Variants in PCSK6 observed in about 807,000 individuals in gnomAD.
PCSK6 encodes the protein paired basic amino acid cleaving enzyme 4.
In PCSK6, 85 loss-of-function variants were observed where a neutral mutation model predicts 123.3. The ratio of observed to expected loss-of-function variants is 0.69; its 90% CI spans 0.58 to 0.83. The LOEUF (loss-of-function observed/expected upper bound fraction) is 0.83. Among genes scored for constraint, PCSK6 ranks in the 40% least tolerant of loss-of-function variants. The probability of loss-of-function intolerance (pLI) is 0.00; values close to 1 mark genes in which losing one functional copy is unlikely to be tolerated. For missense variants in PCSK6, 1,191 were observed against 1,282.3 expected, an observed-to-expected ratio of 0.93 and a Z score of 1.09; for synonymous variants, 508 against 516.0, an observed-to-expected ratio of 0.98 and a Z score of 0.21.
intron 1 of PCSK6, among the ~76,000 whole-genome samples, chr15:101,464,630 T>C (rs1486529497): frequency 1.3e-5 from 2 of 151,952 alleles, no homozygotes; most frequent in East Asian, 1.9e-4. Context: ...TCTAACAAGG[T>C]CCCAAATGTA....
chr15:101,438,127 T>G (rs765690030), intron 2 of PCSK6, among the ~76,000 whole-genome samples: 25 of 152,276 alleles, frequency 1.6e-4, no homozygotes, highest in Non-Finnish European at 3.4e-4. Context: ...TGTGAGACAA[T>G]ACGGTTCTGC....
At chr15:101,317,282 A>G (rs145859710) in intron 19 of PCSK6, among the ~76,000 whole-genome samples, 1 of 152,340 alleles carries the variant, frequency 6.6e-6, no homozygotes, top group Non-Finnish European at 1.5e-5. Flanking sequence ...AGAAAGGACC[A>G]AAGTACCAAG....
intron 2 of PCSK6, among the ~76,000 whole-genome samples, chr15:101,438,167 T>C (rs2056655947): frequency 6.6e-6 from 1 of 152,232 alleles, no homozygotes; most frequent in Non-Finnish European, 1.5e-5. Context: ...TGTGGGACTT[T>C]GTTACAACTG....
At position 101,398,292 on chromosome 15, in the gene PCSK6, A is replaced by G. The variant is rs2042476866; in HGVS notation, c.996+112T>C. The G allele has an allele frequency of 1.5e-6, 2 of 1,305,410 alleles. No homozygotes were observed. Among genetic ancestry groups the G allele is most frequent in the African/African-American group, 2.9e-5 (2 of 68,094 alleles). 80.9% of individuals were successfully genotyped at this position (1,305,410 alleles called of 1,614,324 possible). A position where few individuals can be genotyped will look rare whatever the true frequency, so the allele number is the denominator to read the frequency against. On this transcript the variant is annotated intron_variant, in intron 7 of 21. Transcript: ENST00000611716. The surrounding 1 kb of genome is among the most constrained non-coding windows in gnomAD (Gnocchi z 4.6). ...CTGGCCCTGGCACCTGTCACAGCAG[A>G]GTCTTCCCTGTCTTGTTTCAGGGCT... is the stretch of plus-strand genomic sequence containing the variant.
At position 101,305,312 on chromosome 15, in the gene PCSK6, G is replaced by A. The variant is rs201490593; in HGVS notation, c.2856C>T (p.Cys952=). The change falls in exon 22 of 22, where the codon TGC becomes TGT. Residue 952 remains cysteine (C), a synonymous_variant. Coordinates refer to ENST00000611716, the MANE Select transcript of PCSK6 (RefSeq NM_002570.5). The surrounding 1 kb of genome is among the most constrained non-coding windows in gnomAD (Gnocchi z 4.8). ...AGAACTGAATGAAGAGCTTCCGTTCGCACAGCCGGTTGGACTTCACCATCT... is the reference window on the plus strand; with the variant it reads ...AGAACTGAATGAAGAGCTTCCGTTCACACAGCCGGTTGGACTTCACCATCT... ...FCEMVKSNRL[C]ERKLFIQFCC... 9.3e-6 allele frequency: 15 copies of A among 1,612,578 alleles called. No homozygotes were observed. Among genetic ancestry groups the A allele is most frequent in the African/African-American group, 8.0e-5 (6 of 74,922 alleles).
intron 2 of PCSK6, among the ~76,000 whole-genome samples, chr15:101,436,495 A>G (rs1459391433): frequency 1.3e-5 from 2 of 152,216 alleles, no homozygotes; most frequent in Non-Finnish European, 1.5e-5. Flanking sequence ...TAACTGTGAA[A>G]GAACAAGGGG....
At chr15:101,430,104 T>C in intron 4 of PCSK6, 41 bp from the exon 5 acceptor site, 4 of 1,486,258 alleles carry the variant, frequency 2.7e-6, no homozygotes, top group South Asian at 1.1e-5. Flanking sequence ...AAATGGCATG[T>C]GACAGCTCTG....
intron 2 of PCSK6, among the ~76,000 whole-genome samples, chr15:101,433,057 G>GA (rs1567217991): frequency 6.6e-6 from 1 of 152,150 alleles, no homozygotes; most frequent in Non-Finnish European, 1.5e-5. Context: ...CACGATCAAG[G>GA]AAAAAAGTTC....
intron 15 of PCSK6, among the ~76,000 whole-genome samples, chr15:101,326,869 C>T (rs1156275827): frequency 1.3e-5 from 2 of 152,196 alleles, no homozygotes; most frequent in Non-Finnish European, 2.9e-5. Context: ...CCAGCCAGCA[C>T]CTTTGACTTC....
intron 1 of PCSK6, chr15:101,462,987 GCCGTTTCCTCCT>G (rs2057372711): frequency 2.2e-6 from 1 of 456,130 alleles, no homozygotes; most frequent in Non-Finnish European, 4.4e-6. Flanking sequence ...GCAGAGGAGG[GCCGTTTCCTCCT>G]CCGTGTTGGG....
At chr15:101,390,672 C>T (rs756722130) in intron 8 of PCSK6, among the ~76,000 whole-genome samples, 3 of 152,164 alleles carry the variant, frequency 2.0e-5, no homozygotes, top group Non-Finnish European at 2.9e-5. Flanking sequence ...GTCCCAGAAC[C>T]ACAGGGACCT....
intron 1 of PCSK6, among the ~76,000 whole-genome samples, chr15:101,483,069 C>T (rs186387618): frequency 2.5e-3 from 385 of 152,300 alleles, no homozygotes; most frequent in Non-Finnish European, 4.1e-3. Flanking sequence ...CAGTTCACAC[C>T]CAGAACCTCT....
At chr15:101,413,041 G>A (rs62018992) in intron 6 of PCSK6, among the ~76,000 whole-genome samples, 1 of 150,512 alleles carries the variant, frequency 6.6e-6, no homozygotes. Flanking sequence ...AGGAGGAGGA[G>A]GAAAAAAAGT....
At chr15:101,429,850 TG>T in intron 5 of PCSK6, 136 bp downstream of exon 5, 1 of 714,076 alleles carries the variant, frequency 1.4e-6, no homozygotes, top group South Asian at 1.7e-5. Flanking sequence ...CTGTGACTCC[TG>T]GAGAAGCCTG....
intron 1 of PCSK6, among the ~76,000 whole-genome samples, chr15:101,445,664 G>C (rs2056869844): frequency 6.6e-6 from 1 of 152,212 alleles, no homozygotes; most frequent in Non-Finnish European, 1.5e-5. Flanking sequence ...ACTTGCCGCA[G>C]TGTTTAATCA....
intron 13 of PCSK6, among the ~76,000 whole-genome samples, chr15:101,357,783 A>AGG (rs1230177418): frequency 6.6e-6 from 1 of 151,684 alleles, no homozygotes; most frequent in Non-Finnish European, 1.5e-5. Flanking sequence ...ACGGATTTTC[A>AGG]CCCTTCCTCC....
chr15:101,434,037 G>A (rs1407546498), intron 2 of PCSK6, among the ~76,000 whole-genome samples: 2 of 152,168 alleles, frequency 1.3e-5, no homozygotes, highest in Admixed American at 6.5e-5. Flanking sequence ...TATAATGGCC[G>A]CTGACAGATA....
chr15:101,411,897 G>A (rs113664685), intron 6 of PCSK6, among the ~76,000 whole-genome samples: 29 of 152,318 alleles, frequency 1.9e-4, no homozygotes, highest in African/African-American at 6.7e-4. Context: ...CATGCCATGA[G>A]CCTGGTCTTC....
At chr15:101,420,886 T>G (rs2056062614) in intron 6 of PCSK6, among the ~76,000 whole-genome samples, 1 of 152,220 alleles carries the variant, frequency 6.6e-6, no homozygotes, top group Admixed American at 6.5e-5. Flanking sequence ...CTCCCCAGGG[T>G]AGGTGCTAAT....
Sources: gnomAD v4.1 joint callset for allele counts (sites outside exome capture counted in the v4.1 genomes callset) on GRCh38, gnomAD v4.1.1 for gene constraint, Gnocchi (gnomAD v3.1) non-coding constraint, MANE v1.5 for transcripts, NCBI Gene and HGNC (gene_info 2026-07-23, HGNC 2026-07-21) for gene names.